ADAM2: variants seen among roughly 807,000 people sequenced by gnomAD.
ADAM2 encodes disintegrin and metalloproteinase domain-containing protein 2.
ADAM2 carries 101 observed loss-of-function variants against 99.3 expected under a neutral mutation model. The ratio of observed to expected loss-of-function variants is 1.02; its 90% CI spans 0.87 to 1.20. The LOEUF (loss-of-function observed/expected upper bound fraction) is 1.20. ADAM2 is among the 50% of genes most tolerant of loss of function. The pLI, the probability that ADAM2 is intolerant of heterozygous loss-of-function variation, is 0.00. For missense variants in ADAM2, 948 were observed against 878.7 expected, an observed-to-expected ratio of 1.08 and a Z score of -1.00; for synonymous variants, 323 against 287.6, an observed-to-expected ratio of 1.12 and a Z score of -1.25.
chr8:39,818,669 T>C (rs762386292), intron 6 of ADAM2, among the ~76,000 whole-genome samples: 12 of 151,994 alleles, frequency 7.9e-5, no homozygotes, highest in Non-Finnish European at 2.9e-5. Flanking sequence ...ACCATGTACA[T>C]AAAAAGTCGT....
chr8:39,835,675 C>G (rs1438251936), intron 2 of ADAM2, among the ~76,000 whole-genome samples: 1 of 126,194 alleles, frequency 7.9e-6, no homozygotes, highest in East Asian at 2.1e-4. Context: ...AAGCAAGACT[C>G]CGTCTCAAAA....
chr8:39,744,941 T>C, intron 19 of ADAM2, 48 bp from the exon 20 acceptor site: 1 of 1,422,894 alleles, frequency 7.0e-7, no homozygotes, highest in Non-Finnish European at 9.7e-7. Context: ...CAAGATGATT[T>C]TACAAACCTC....
chr8:39,785,967 G>T (rs1803451448), intron 10 of ADAM2, among the ~76,000 whole-genome samples: 1 of 152,098 alleles, frequency 6.6e-6, no homozygotes, highest in South Asian at 2.1e-4. Context: ...ATAAACCATG[G>T]AATACTATGC....
At chr8:39,807,631 T>G (rs1269314709) in intron 7 of ADAM2, among the ~76,000 whole-genome samples, 1 of 152,078 alleles carries the variant, frequency 6.6e-6, no homozygotes, top group African/African-American at 2.4e-5. Context: ...CTAGAGAGTT[T>G]GCTTTTTGGT....
intron 18 of ADAM2, among the ~76,000 whole-genome samples, chr8:39,746,987 T>C (rs549213618): frequency 6.6e-6 from 1 of 152,178 alleles, no homozygotes; most frequent in Non-Finnish European, 1.5e-5. Flanking sequence ...TCCCCACCAC[T>C]GTTTTCTGAA....
intron 2 of ADAM2, among the ~76,000 whole-genome samples, chr8:39,835,595 A>C (rs1387791192): frequency 1.3e-5 from 2 of 151,648 alleles, no homozygotes; most frequent in Non-Finnish European, 2.9e-5. Context: ...AGGCAGGAGA[A>C]TGCTGTGAAC....
chr8:39,833,705 C>A (rs1805706456), intron 3 of ADAM2, among the ~76,000 whole-genome samples: 1 of 151,974 alleles, frequency 6.6e-6, no homozygotes, highest in African/African-American at 2.4e-5. Flanking sequence ...CTTTATGAAA[C>A]CTCTTGGATC....
chr8:39,758,489 C>A (rs1006658582), intron 15 of ADAM2, among the ~76,000 whole-genome samples: 13 of 151,364 alleles, frequency 8.6e-5, no homozygotes, highest in African/African-American at 2.9e-4. Flanking sequence ...GAATTATTTG[C>A]ACTATTATTC....
At position 39,749,402 on chromosome 8, in the gene ADAM2, G is replaced by A; in HGVS notation, c.1924C>T (p.Pro642Ser). The A allele has an allele frequency of 1.2e-6, 2 of 1,613,352 alleles. No individual in the cohort carries two copies. The highest frequency in any genetic ancestry group is 1.7e-6 in the Non-Finnish European group (2 of 1,179,484). The change falls in exon 18 of 21, where the codon CCA (proline) becomes TCA (serine). Residue 642 changes from proline (P) to serine (S), a missense_variant. Physicochemically the swap from Pro to Ser is moderately conservative, Grantham distance 74. Transcript: ENST00000265708. ...AGATCTGATTGAACTGAGCAATCTG[G>A]AGGTAAATATGAAGCACTACAGTGA... is the stretch of plus-strand genomic sequence containing the variant. ...HCHCSASYLP[P>S]DCSVQSDLWP...
chr8:39,758,007 C>T (rs1183379858), intron 15 of ADAM2, among the ~76,000 whole-genome samples: 1 of 152,028 alleles, frequency 6.6e-6, no homozygotes, highest in East Asian at 1.9e-4. Flanking sequence ...TAAGTATATG[C>T]TTTAGCAATT....
intron 16 of ADAM2, among the ~76,000 whole-genome samples, chr8:39,753,317 CT>C (rs1293653649): frequency 6.6e-6 from 1 of 151,858 alleles, no homozygotes. Context: ...GAACTCTGAA[CT>C]TGAGAGATGA....
At chr8:39,796,744 T>TGA in intron 7 of ADAM2, among the ~76,000 whole-genome samples, 1 of 152,258 alleles carries the variant, frequency 6.6e-6, no homozygotes, top group Non-Finnish European at 1.5e-5. Context: ...CTGACTTGTG[T>TGA]GACATGGTAT....
intron 11 of ADAM2, among the ~76,000 whole-genome samples, chr8:39,772,557 G>T (rs1309341470): frequency 6.6e-6 from 1 of 151,956 alleles, no homozygotes; most frequent in African/African-American, 2.4e-5. Context: ...TAAAAGAATG[G>T]TAATTTCTCA....
At chr8:39,830,094 T>A (rs1805557098) in intron 3 of ADAM2, among the ~76,000 whole-genome samples, 1 of 152,174 alleles carries the variant, frequency 6.6e-6, no homozygotes, top group Admixed American at 6.5e-5. Flanking sequence ...AAATATTCAC[T>A]TCACGACACT....
chr8:39,820,541 T>C (rs1437114213), intron 6 of ADAM2, among the ~76,000 whole-genome samples: 1 of 152,098 alleles, frequency 6.6e-6, no homozygotes, highest in African/African-American at 2.4e-5. Context: ...AGAAGCAACC[T>C]CTCTCTCACT....
chr8:39,787,834 A>G (rs1473070949), intron 9 of ADAM2, among the ~76,000 whole-genome samples: 1 of 151,702 alleles, frequency 6.6e-6, no homozygotes, highest in Non-Finnish European at 1.5e-5. Context: ...GAGATTTTTA[A>G]TAATGTGGTA....
chr8:39,791,185 G>A (rs1048357722), intron 7 of ADAM2, among the ~76,000 whole-genome samples: 2 of 151,914 alleles, frequency 1.3e-5, no homozygotes, highest in African/African-American at 4.8e-5. Flanking sequence ...AGAGATAATA[G>A]CCAAGCCAGC....
chr8:39,803,067 G>A (rs1563368247), intron 7 of ADAM2, among the ~76,000 whole-genome samples: 2 of 152,116 alleles, frequency 1.3e-5, no homozygotes, highest in African/African-American at 4.8e-5. Context: ...TCTACAATTA[G>A]AACAAGATTG....
intron 8 of ADAM2, 46 bp from the exon 9 acceptor site, chr8:39,788,297 T>A (rs773594103): frequency 7.2e-6 from 9 of 1,252,692 alleles, no homozygotes; most frequent in East Asian, 2.6e-5. Context: ...TCACAGTTTT[T>A]AAAAATTAGA....
Sources: allele counts gnomAD v4.1 joint callset (sites outside exome capture counted in the v4.1 genomes callset), GRCh38; gene constraint gnomAD v4.1.1; transcripts MANE v1.5; gene names NCBI Gene and HGNC (gene_info 2026-07-23, HGNC 2026-07-21).